The following DDX60L variants were observed in gnomAD, a reference collection of about 807,000 sequenced individuals.
DDX60L encodes DExD/H-box 60 like.
Under a neutral mutation model 211.6 loss-of-function variants are expected in DDX60L, and 191 were observed. That is an observed-to-expected ratio of 0.90 (90% CI 0.80 to 1.02). DDX60L has a LOEUF of 1.02. Among genes scored for constraint, DDX60L ranks in the 50% least tolerant of loss-of-function variants. The probability of loss-of-function intolerance (pLI) is 0.00; values close to 1 mark genes in which losing one functional copy is unlikely to be tolerated. For synonymous variants in DDX60L, 706 were observed against 694.1 expected (o/e 1.02, Z -0.27); for missense variants, 2,007 against 1,984.1 (o/e 1.01, Z -0.22).
intron 22 of DDX60L, among the ~76,000 whole-genome samples, chr4:168,408,710 G>A (rs1748175382): frequency 1.3e-5 from 2 of 152,174 alleles, no homozygotes; most frequent in Non-Finnish European, 2.9e-5. Context: ...GTTCTTTCGA[G>A]GACTGCCTGG....
intron 36 of DDX60L, among the ~76,000 whole-genome samples, chr4:168,362,496 C>T (rs1384518037): frequency 6.6e-6 from 1 of 152,222 alleles, no homozygotes; most frequent in Admixed American, 6.5e-5. Flanking sequence ...GATAGCCTCA[C>T]TTCTCTGGAG....
intron 4 of DDX60L, chr4:168,470,984 T>C (rs1285557593): frequency 6.2e-6 from 1 of 160,490 alleles, no homozygotes; most frequent in African/African-American, 2.4e-5. Context: ...GAGTTTGGGT[T>C]ACACGTGCAT....
intron 4 of DDX60L, among the ~76,000 whole-genome samples, chr4:168,468,172 A>C (rs1371046735): frequency 1.3e-5 from 2 of 151,694 alleles, no homozygotes; most frequent in Non-Finnish European, 2.9e-5. Flanking sequence ...ATCTCAAATA[A>C]TAAATAAATA....
At chr4:168,379,300 G>A (rs11734310) in intron 32 of DDX60L, 63 bp downstream of exon 32, 17 of 1,304,774 alleles carry the variant, frequency 1.3e-5, no homozygotes, top group South Asian at 5.5e-5. Context: ...ACATATCTGC[G>A]GTTTTGGCTA....
intron 4 of DDX60L, among the ~76,000 whole-genome samples, chr4:168,465,931 AC>A (rs1757935655): frequency 6.6e-6 from 1 of 152,028 alleles, no homozygotes; most frequent in Admixed American, 6.6e-5. Context: ...GTAGTGAAAT[AC>A]CCCCAGCTTT....
chr4:168,414,733 AT>A (rs1235199830), intron 22 of DDX60L, among the ~76,000 whole-genome samples: 1 of 152,124 alleles, frequency 6.6e-6, no homozygotes, highest in African/African-American at 2.4e-5. Flanking sequence ...GGATGTCACT[AT>A]GTTAAGTGAA....
At chr4:168,413,853 G>A (rs1189482540) in intron 22 of DDX60L, among the ~76,000 whole-genome samples, 1 of 152,020 alleles carries the variant, frequency 6.6e-6, no homozygotes, top group Non-Finnish European at 1.5e-5. Flanking sequence ...CCCAAACCTA[G>A]AGAAATATAC....
intron 1 of DDX60L, among the ~76,000 whole-genome samples, chr4:168,474,452 A>G (rs560173161): frequency 4.1e-4 from 63 of 152,286 alleles, no homozygotes; most frequent in Admixed American, 1.9e-3. Flanking sequence ...AAAATATTCT[A>G]AAAGACATAC....
intron 4 of DDX60L, chr4:168,468,941 A>G (rs947283503): frequency 4.6e-5 from 7 of 152,228 alleles, no homozygotes; most frequent in African/African-American, 1.7e-4. Flanking sequence ...AAGACTACAA[A>G]ACTGATAAAA....
intron 25 of DDX60L, among the ~76,000 whole-genome samples, chr4:168,401,528 G>A (rs1324496546): frequency 3.9e-5 from 6 of 152,242 alleles, no homozygotes; most frequent in African/African-American, 1.2e-4. Flanking sequence ...CCTGTGGGAT[G>A]TGTCACAGGC....
rs747909768 is a variant in DDX60L at position 168,466,537 on chromosome 4, GTGA to G, written c.265-4500_265-4498del. Among the ~76,000 whole-genome samples the G allele has an allele frequency of 7.8e-4, 119 of 152,304 alleles. 2 individuals are homozygous for G. The highest frequency in any genetic ancestry group is 1.1e-3 in the Non-Finnish European group (73 of 68,028). ...ATTACATTTCAATTTGTAAAATTAT[GTGA>G]TGATATTTATCATTCGAAAATAGAG... is the stretch of plus-strand genomic sequence containing the variant. On this transcript the variant is annotated intron_variant, in intron 4 of 37. Coordinates refer to ENST00000682922, the MANE Select transcript of DDX60L (RefSeq NM_001012967.3).
rs745319204 is a variant in DDX60L at position 168,394,617 on chromosome 4, T to C, written c.3658A>G (p.Thr1220Ala). The C allele has an allele frequency of 6.3e-7, 1 of 1,587,412 alleles. No homozygotes were observed. Among genetic ancestry groups the C allele is most frequent in the Non-Finnish European group, 8.5e-7 (1 of 1,172,100 alleles). Residue 1220 changes from threonine to alanine, a missense_variant and splice_region_variant, in exon 28 of 38, where the codon ACT (threonine) becomes GCT (alanine). Thr to Ala is a moderately conservative substitution (Grantham distance 58). Transcript: ENST00000682922. ...ACTCGCGGTAATACCCTCTCCAAAG[T>C]CTAAAACAAGAAAGAAGTGTAAAAC... is the stretch of plus-strand genomic sequence containing the variant. ...HTEITRNKDS[T>A]LERVLPRVRF...
intron 30 of DDX60L, among the ~76,000 whole-genome samples, chr4:168,381,422 TGCCACCATACCCA>T (rs1742935778): frequency 6.6e-6 from 1 of 152,062 alleles, no homozygotes; most frequent in African/African-American, 2.4e-5. Flanking sequence ...TACAGGTATA[TGCCACCATACCCA>T]GCCAGTGAAA....
chr4:168,375,815 T>C (rs1741853261), intron 33 of DDX60L, among the ~76,000 whole-genome samples: 1 of 152,220 alleles, frequency 6.6e-6, no homozygotes, highest in Non-Finnish European at 1.5e-5. Flanking sequence ...TTTCAGAGAC[T>C]TGAGGGACAT....
rs1751012056 is a variant in DDX60L, at chr4:168,423,681, T to C, written c.2024A>G (p.His675Arg). 1.2e-6 allele frequency: 2 copies of C among 1,606,170 alleles called. No individual in the cohort carries two copies. Among genetic ancestry groups the C allele is most frequent in the Non-Finnish European group, 1.7e-6 (2 of 1,176,252 alleles). ...ERYPEILEAEHHQYIAKCLKY... is the reference protein window; with the variant it reads ...ERYPEILEAERHQYIAKCLKY... ...AAGGCATTTAGCTATATATTGATGA[T>C]GTTCTGCTTCCAAAATTTCTGGGTA... is the stretch of plus-strand genomic sequence containing the variant. The change falls in exon 15 of 38, where the codon CAT becomes CGT. Residue 675 changes from histidine to arginine, a missense_variant. Physicochemically the swap from His to Arg is conservative, Grantham distance 29. Coordinates refer to ENST00000682922, the MANE Select transcript of DDX60L (RefSeq NM_001012967.3).
At chr4:168,376,539 G>A (rs1182225821) in intron 33 of DDX60L, among the ~76,000 whole-genome samples, 1 of 152,202 alleles carries the variant, frequency 6.6e-6, no homozygotes, top group Admixed American at 6.5e-5. Flanking sequence ...ACTCCTTACA[G>A]TGGATAGTAT....
Position 168,471,171 on chromosome 4 carries a change from G to C in DDX60L, c.264+576C>G, listed in dbSNP as rs542522039. Among the ~76,000 whole-genome samples, 6 of 152,304 alleles carry C rather than the reference G, an allele frequency of 3.9e-5. 1 individual carries two copies. In the East Asian group the frequency reaches 7.7e-4, roughly 20 times the overall value. ...AGTACCGAACTCTAGTTAATGGCAT[G>C]TATGATGAAGTGTTTCAGAGTTAAA... is the stretch of plus-strand genomic sequence containing the variant. On this transcript the variant is annotated intron_variant, in intron 4 of 37. Transcript: ENST00000682922.
intron 37 of DDX60L, among the ~76,000 whole-genome samples, chr4:168,358,524 CTTTTTT>C (rs70961514): frequency 7.4e-5 from 8 of 108,284 alleles, no homozygotes; most frequent in Admixed American, 2.2e-4. Flanking sequence ...TTTTCTTTTT[CTTTTTT>C]TTTTTTTTTT....
chr4:168,447,465 T>A (rs1179529523), intron 9 of DDX60L, among the ~76,000 whole-genome samples: 2 of 151,680 alleles, frequency 1.3e-5, no homozygotes, highest in East Asian at 3.9e-4. Flanking sequence ...ATTGTGGAAG[T>A]CAGTGTGGCG....
Sources: allele counts gnomAD v4.1 joint callset (sites outside exome capture counted in the v4.1 genomes callset), GRCh38; gene constraint gnomAD v4.1.1; transcripts MANE v1.5; gene names NCBI Gene and HGNC (gene_info 2026-07-23, HGNC 2026-07-21).